The following FLVCR1 variants were observed in gnomAD, a reference collection of about 807,000 sequenced individuals.
FLVCR1 encodes the protein choline/ethanolamine transporter FLVCR1.
FLVCR1 carries 34 observed loss-of-function variants against 53.6 expected under a neutral mutation model. That is an observed-to-expected ratio of 0.63 (90% CI 0.48 to 0.84). The LOEUF is 0.84. FLVCR1 is among the 40% of genes least tolerant of loss of function. FLVCR1 has a pLI of 0.00. For synonymous variants in FLVCR1, 300 were observed against 286.3 expected (o/e 1.05, Z -0.48); for missense variants, 677 against 696.7 (o/e 0.97, Z 0.32).
intron 3 of FLVCR1, among the ~76,000 whole-genome samples, chr1:212,876,719 T>G (rs1344863971): frequency 6.6e-6 from 1 of 152,200 alleles, no homozygotes; most frequent in Non-Finnish European, 1.5e-5. Context: ...ATACCACATT[T>G]TCTTTATCCA....
At chr1:212,890,101 C>G (rs41301001) in intron 8 of FLVCR1, among the ~76,000 whole-genome samples, 1 of 152,138 alleles carries the variant, frequency 6.6e-6, no homozygotes, top group African/African-American at 2.4e-5. Flanking sequence ...GTATAGTCAT[C>G]ATAGACATGG....
intron 3 of FLVCR1, among the ~76,000 whole-genome samples, chr1:212,881,209 A>G (rs6666368): frequency 0.46 from 70,439 of 152,014 alleles, 17,565 homozygotes; most frequent in East Asian, 0.56. Context: ...AAAATGAATT[A>G]TAGTAGAGAC....
intron 8 of FLVCR1, among the ~76,000 whole-genome samples, chr1:212,893,656 A>G (rs1665257572): frequency 6.6e-6 from 1 of 152,190 alleles, no homozygotes; most frequent in African/African-American, 2.4e-5. Context: ...CCTTTTAGCA[A>G]CCACCACCCT....
At chr1:212,876,392 G>A (rs1412380890) in intron 3 of FLVCR1, among the ~76,000 whole-genome samples, 1 of 145,692 alleles carries the variant, frequency 6.9e-6, no homozygotes, top group Non-Finnish European at 1.5e-5. Flanking sequence ...TTTTTGAGAT[G>A]GAGTTTCACT....
chr1:212,861,385 T>G lies in FLVCR1; in HGVS notation c.738+2195T>G, dbSNP rs150568155. ...CCCCATTTCTTTTCATTCTTTTTGA[T>G]AGCTGAATAATATTTCTATATAAGG... is the stretch of plus-strand genomic sequence containing the variant. On this transcript the variant is annotated intron_variant, in intron 1 of 9. Coordinates refer to ENST00000366971, the MANE Select transcript of FLVCR1 (RefSeq NM_014053.4). 4.1e-3 allele frequency among the ~76,000 whole-genome samples: 619 copies of G among 152,334 alleles called. 4 individuals carry two copies. The highest frequency in any genetic ancestry group is 0.013 in the African/African-American group (561 of 41,576).
rs1473550194 is a variant in FLVCR1, at chr1:212,895,700, AAGTATCC to A, written c.*414_*420del. 7.9e-6 allele frequency: 2 copies of A among 253,504 alleles called. No homozygotes were observed. Among genetic ancestry groups the A allele is most frequent in the Non-Finnish European group, 1.5e-5 (2 of 130,074 alleles). 15.7% of individuals were successfully genotyped at this position (253,504 alleles called of 1,614,324 possible). A position where few individuals can be genotyped will look rare whatever the true frequency, so the allele number is the denominator to read the frequency against. On this transcript the variant is annotated 3_prime_UTR_variant, in exon 10 of 10. Transcript: ENST00000366971. ...AATAGTTCATGCAGTTTATATATTA[AAGTATCC>A]AGTGGAACTAAATGTACAATATATT...
chr1:212,895,335 G>T lies in FLVCR1; in HGVS notation c.*45G>T. On this transcript the variant is annotated 3_prime_UTR_variant, in exon 10 of 10. Transcript: ENST00000366971. Reference sequence around the variant, plus strand: ...GTCCTGTAGTAATTGGGGACAATGTGATCATCCTTGGAGAGAGATGTGAGC... The same window carrying T: ...GTCCTGTAGTAATTGGGGACAATGTTATCATCCTTGGAGAGAGATGTGAGC... The T allele has an allele frequency of 7.1e-7, 1 of 1,408,670 alleles. No homozygotes were observed. The highest frequency in any genetic ancestry group is 1.2e-5 in the South Asian group (1 of 86,812). The allele number at this position is 1,408,670 out of a possible 1,614,324, so 87.3% of individuals were successfully genotyped here. A position where few individuals can be genotyped will look rare whatever the true frequency, so the allele number is the denominator to read the frequency against.
rs914693797 is a variant in FLVCR1 at position 212,888,593 on chromosome 1, A to G, written c.1412A>G (p.Gln471Arg). 6.3e-7 allele frequency: 1 copy of G among 1,594,220 alleles called. No individual in the cohort carries two copies. Among genetic ancestry groups the G allele is most frequent in the African/African-American group, 1.3e-5 (1 of 74,568 alleles). The stretch of plus-strand genomic sequence containing the variant: ...TCTGGTCTTCTTAATGCTTCTGCAC[A>G]GGTAAACCTCTGATTTCTCTAAACC... Reference protein sequence around the residue: ...TSSGLLNASAQIFGILFTLAQ... With the variant: ...TSSGLLNASARIFGILFTLAQ... Residue 471 changes from glutamine (Q) to arginine (R), a missense_variant and splice_region_variant, in exon 7 of 10, where the codon CAG (glutamine) becomes CGG (arginine). Gln to Arg is a conservative substitution (Grantham distance 43). Transcript: ENST00000366971.
intron 2 of FLVCR1, chr1:212,864,261 T>C: frequency 3.6e-6 from 1 of 277,914 alleles, no homozygotes. Context: ...GTCTTTCTGG[T>C]AATGCTAAAT....
chr1:212,897,610 A>T lies in FLVCR1; in HGVS notation c.*2320A>T, dbSNP rs1278797125. On this transcript the variant is annotated 3_prime_UTR_variant, in exon 10 of 10. Coordinates refer to ENST00000366971, the MANE Select transcript of FLVCR1 (RefSeq NM_014053.4). ...TCACAGTTCTGCAGGCTGTGTAAGC[A>T]TGGCACCAGTGTCTGCTCGGCTTCT... The T allele has an allele frequency of 6.6e-6, 1 of 152,260 alleles. No individual in the cohort carries two copies. Among genetic ancestry groups the T allele is most frequent in the Non-Finnish European group, 1.5e-5 (1 of 68,060 alleles). 9.4% of individuals were successfully genotyped at this position (152,260 alleles called of 1,614,324 possible).
At chr1:212,860,812 A>G (rs996272962) in intron 1 of FLVCR1, among the ~76,000 whole-genome samples, 2 of 152,210 alleles carry the variant, frequency 1.3e-5, no homozygotes, top group Non-Finnish European at 2.9e-5. Context: ...TCAGACTCAT[A>G]CAGATACTGG....
chr1:212,871,917 A>G lies in FLVCR1; in HGVS notation c.884-761A>G, dbSNP rs41296730. 6.1e-4 allele frequency among the ~76,000 whole-genome samples: 93 copies of G among 152,296 alleles called. 2 individuals are homozygous for G. The East Asian group carries it at 0.016, about 26-fold the overall frequency. ...TCTTAGCTCTACCCCTGTACTTTCCATATGAAGCTCAAGTGAGTTAGCAAG... is the reference window on the plus strand; with the variant it reads ...TCTTAGCTCTACCCCTGTACTTTCCGTATGAAGCTCAAGTGAGTTAGCAAG... On this transcript the variant is annotated intron_variant, in intron 2 of 9. Coordinates refer to ENST00000366971, the MANE Select transcript of FLVCR1 (RefSeq NM_014053.4).
chr1:212,889,537 C>T (rs550197195), intron 8 of FLVCR1, among the ~76,000 whole-genome samples: 2 of 152,118 alleles, frequency 1.3e-5, no homozygotes, highest in South Asian at 2.1e-4. Context: ...GAGGCAGAGG[C>T]GGGCAGATTA....
chr1:212,896,461 A>G lies in FLVCR1; in HGVS notation c.*1171A>G, dbSNP rs1431899893. On this transcript the variant is annotated 3_prime_UTR_variant, in exon 10 of 10. Coordinates refer to ENST00000366971, the MANE Select transcript of FLVCR1 (RefSeq NM_014053.4). ...CTGTTAGAATAGTCTGCTCTTTTAC[A>G]TGCTCAGGTAGGGAAAATAGGACCA... The G allele has an allele frequency of 6.6e-6, 1 of 152,086 alleles. No homozygotes were observed. Among genetic ancestry groups the G allele is most frequent in the Non-Finnish European group, 1.5e-5 (1 of 68,028 alleles). The allele number at this position is 152,086 out of a possible 1,614,324, so 9.4% of individuals were successfully genotyped here. A position where few individuals can be genotyped will look rare whatever the true frequency, so the allele number is the denominator to read the frequency against.
Position 212,886,808 on chromosome 1 carries a change from T to TA in FLVCR1, c.1197-1073dup, listed in dbSNP as rs1294133111. Reference sequence around the variant, plus strand: ...CAGAGCAAGACGCTGTCTAAAAAAATAAAAAAAAAAGAATATACTCTGTTA... The same window carrying TA: ...CAGAGCAAGACGCTGTCTAAAAAAATAAAAAAAAAAAGAATATACTCTGTTA... On this transcript the variant is annotated intron_variant, in intron 5 of 9. Coordinates refer to ENST00000366971, the MANE Select transcript of FLVCR1 (RefSeq NM_014053.4). Among the ~76,000 whole-genome samples, 365 of 144,172 alleles carry TA rather than the reference T, an allele frequency of 2.5e-3. 2 individuals are homozygous for TA. Among genetic ancestry groups the TA allele is most frequent in the African/African-American group, 8.4e-3 (329 of 39,186 alleles). The allele number at this position is 144,172 out of a possible 152,430, so 94.6% of individuals were successfully genotyped here. A position where few individuals can be genotyped will look rare whatever the true frequency, so the allele number is the denominator to read the frequency against.
intron 1 of FLVCR1, among the ~76,000 whole-genome samples, chr1:212,861,788 G>C (rs984434294): frequency 4.6e-5 from 7 of 152,046 alleles, no homozygotes; most frequent in African/African-American, 1.7e-4. Flanking sequence ...TCCTGCCTCA[G>C]CCTCCCGTGT....
rs140622257 is a variant in FLVCR1, at chr1:212,866,277, G to A, written c.883+2408G>A. Among the ~76,000 whole-genome samples the A allele has an allele frequency of 5.4e-3, 817 of 151,510 alleles. 7 individuals carry two copies. Among genetic ancestry groups the A allele is most frequent in the African/African-American group, 0.019 (778 of 41,248 alleles). ...TGGAATTACAGGCATGAGCCACCGA[G>A]CCCGGCCTTTTTTGTGTGTTTTTAG... On this transcript the variant is annotated intron_variant, in intron 2 of 9. Coordinates refer to ENST00000366971, the MANE Select transcript of FLVCR1 (RefSeq NM_014053.4).
At chr1:212,885,483 A>G (rs1015378546) in intron 5 of FLVCR1, 87 bp downstream of exon 5, 18 of 973,966 alleles carry the variant, frequency 1.8e-5, no homozygotes, top group African/African-American at 1.4e-4. Flanking sequence ...AAGAAATTTA[A>G]AACATGTTAT....
chr1:212,873,096 C>CA (rs1173456172), intron 3 of FLVCR1, among the ~76,000 whole-genome samples: 1 of 152,002 alleles, frequency 6.6e-6, no homozygotes, highest in Non-Finnish European at 1.5e-5. Context: ...CACTTGATGT[C>CA]AGGAGTTGCA....
Sources: allele counts gnomAD v4.1 joint callset (sites outside exome capture counted in the v4.1 genomes callset), GRCh38; gene constraint gnomAD v4.1.1; transcripts MANE v1.5; gene names NCBI Gene and HGNC (gene_info 2026-07-23, HGNC 2026-07-21).